Variants in PCDH15 observed in about 807,000 individuals in gnomAD.
PCDH15 encodes protocadherin related 15.
PCDH15 carries 129 observed loss-of-function variants against 178.5 expected under a neutral mutation model. That is an observed-to-expected ratio of 0.72 (90% confidence interval 0.63 to 0.84). The LOEUF (loss-of-function observed/expected upper bound fraction) is 0.84. Among genes scored for constraint, PCDH15 ranks in the 40% least tolerant of loss-of-function variants. PCDH15 has a pLI of 0.00. For synonymous variants in PCDH15, 800 were observed against 732.0 expected (o/e 1.09, Z -1.50); for missense variants, 2,230 against 2,099.9 (o/e 1.06, Z -1.21).
intron 2 of PCDH15, among the ~76,000 whole-genome samples, chr10:54,997,087 C>T (rs1055347518): frequency 7.4e-6 from 1 of 135,836 alleles, no homozygotes; most frequent in African/African-American, 2.8e-5. Context: ...CCAGCCTGAG[C>T]AACAAAGAGC....
At chr10:54,963,317 T>A (rs117861214) in intron 2 of PCDH15, among the ~76,000 whole-genome samples, 1,947 of 144,190 alleles carry the variant, frequency 0.014, 27 homozygotes, top group Non-Finnish European at 0.021. Context: ...GAATATCTGC[T>A]TAACTGACAT....
At chr10:54,950,152 A>G (rs1182973544) in intron 2 of PCDH15, among the ~76,000 whole-genome samples, 2 of 152,054 alleles carry the variant, frequency 1.3e-5, no homozygotes, top group African/African-American at 2.4e-5. Context: ...TGGGTAATTT[A>G]TAAAGAAAAG....
chr10:54,857,058 T>C (rs891044832), intron 3 of PCDH15, among the ~76,000 whole-genome samples: 2 of 152,188 alleles, frequency 1.3e-5, no homozygotes, highest in African/African-American at 4.8e-5. Flanking sequence ...TCAGAACTAA[T>C]CTGCAGGTCG....
intron 2 of PCDH15, among the ~76,000 whole-genome samples, chr10:55,445,204 T>C (rs78270405): frequency 0.033 from 5,059 of 152,242 alleles, 359 homozygotes; most frequent in East Asian, 0.29. Context: ...TTCTTCAGTG[T>C]TCACCTAATG....
rs367805416 is a variant in PCDH15 at position 53,880,538 on chromosome 10, T to A, written c.3502-13681A>T. Among the ~76,000 whole-genome samples, 5 of 152,270 alleles carry A rather than the reference T, an allele frequency of 3.3e-5. No homozygotes were observed. The East Asian group carries it at 7.7e-4, about 23-fold the overall frequency. On this transcript the variant is annotated intron_variant, in intron 26 of 37. Transcript: ENST00000644397. Reference sequence around the variant, plus strand: ...TGAATGTCGAATCCTCTGTAAATTCTGACAATTTTACTGCCTACCTAATAA... The same window carrying A: ...TGAATGTCGAATCCTCTGTAAATTCAGACAATTTTACTGCCTACCTAATAA...
In PCDH15 at chr10:55,615,615, A is replaced by G. The variant is rs375877358; in HGVS notation, c.-156+12010T>C. Among the ~76,000 whole-genome samples, 26 of 152,264 alleles carry G rather than the reference A, an allele frequency of 1.7e-4. No homozygotes were observed. In the East Asian group the frequency reaches 3.7e-3, roughly 21 times the overall value. On this transcript the variant is annotated intron_variant, in intron 2 of 5. Transcript: ENST00000613346. Reference sequence around the variant, plus strand: ...GGTGGCTTAATACCAGCACTATAATACCAGCCCTCTGATAGGCTGAGGCAA... The same window carrying G: ...GGTGGCTTAATACCAGCACTATAATGCCAGCCCTCTGATAGGCTGAGGCAA...
At chr10:54,594,239 C>T (rs2092068365) in intron 2 of PCDH15, among the ~76,000 whole-genome samples, 1 of 152,156 alleles carries the variant, frequency 6.6e-6, no homozygotes, top group Admixed American at 6.5e-5. Flanking sequence ...ACTCCAGCTG[C>T]AGCAGAGCCC....
intron 9 of PCDH15, among the ~76,000 whole-genome samples, chr10:54,236,578 T>C (rs935555370): frequency 1.4e-4 from 21 of 152,178 alleles, no homozygotes; most frequent in South Asian, 2.1e-4. Context: ...GTTAATTTCC[T>C]AATATTTTGA....
chr10:55,203,646 C>A (rs984721644), intron 1 of PCDH15, among the ~76,000 whole-genome samples: 1 of 151,920 alleles, frequency 6.6e-6, no homozygotes, highest in African/African-American at 2.4e-5. Context: ...TGGTAGTTGG[C>A]TAGTAGTAAT....
chr10:55,002,918 A>T (rs1413272967), intron 2 of PCDH15, among the ~76,000 whole-genome samples: 1 of 152,212 alleles, frequency 6.6e-6, no homozygotes, highest in Non-Finnish European at 1.5e-5. Flanking sequence ...TAGCAACTTT[A>T]AAAAAGTTAT....
rs534275671 is a variant in PCDH15, at chr10:54,573,883, TA to T, written c.92-46007del. On this transcript the variant is annotated intron_variant, in intron 2 of 37. Transcript: ENST00000644397. The stretch of plus-strand genomic sequence containing the variant: ...CTTACTTAGTAAATAATCCTTTATT[TA>T]AAAAAAATTTGTTTGAGTTCATTGT... Among the ~76,000 whole-genome samples the T allele has an allele frequency of 3.8e-3, 581 of 152,202 alleles. 2 individuals are homozygous for T. Among genetic ancestry groups the T allele is most frequent in the African/African-American group, 0.013 (543 of 41,546 alleles).
chr10:54,727,645 CA>C (rs891420755), intron 1 of PCDH15, among the ~76,000 whole-genome samples: 1 of 151,234 alleles, frequency 6.6e-6, no homozygotes, highest in Non-Finnish European at 1.5e-5. Context: ...TGAAGACCAA[CA>C]AAAATATGTT....
intron 1 of PCDH15, among the ~76,000 whole-genome samples, chr10:55,307,586 C>T (rs1348855212): frequency 2.0e-5 from 3 of 151,086 alleles, no homozygotes; most frequent in African/African-American, 7.3e-5. Context: ...TTTATCTTTT[C>T]TTTTCTGCTT....
In PCDH15 at chr10:54,083,318, C is replaced by T. The variant is rs1241097198; in HGVS notation, c.1998-3894G>A. 5.3e-5 allele frequency among the ~76,000 whole-genome samples: 8 copies of T among 152,106 alleles called. 1 individual carries two copies. In the South Asian group the frequency reaches 6.2e-4, roughly 12 times the overall value. Reference sequence around the variant, plus strand: ...AGCCAAACACAGGTACTTAAATACACGTACATATATGTTCACAGCAGCGGT... The same window carrying T: ...AGCCAAACACAGGTACTTAAATACATGTACATATATGTTCACAGCAGCGGT... On this transcript the variant is annotated intron_variant, in intron 16 of 37. Coordinates refer to ENST00000644397, the MANE Select transcript of PCDH15 (RefSeq NM_001384140.1).
At chr10:55,144,800 G>A (rs2799609) in intron 2 of PCDH15, among the ~76,000 whole-genome samples, 137,156 of 152,024 alleles carry the variant, frequency 0.9, 62,548 homozygotes, top group Non-Finnish European at 0.97. Context: ...TTATTTGCAC[G>A]ATGCATATTA....
At chr10:54,587,607 T>C (rs2091585380) in intron 2 of PCDH15, among the ~76,000 whole-genome samples, 1 of 151,632 alleles carries the variant, frequency 6.6e-6, no homozygotes, top group Admixed American at 6.6e-5. Context: ...AAGCATAAAG[T>C]GATGAAAGCT....
intron 1 of PCDH15, among the ~76,000 whole-genome samples, chr10:55,299,187 T>A (rs987495357): frequency 3.9e-5 from 6 of 152,188 alleles, no homozygotes; most frequent in Non-Finnish European, 8.8e-5. Flanking sequence ...AGATAGGCCC[T>A]CCTTCATGAT....
At chr10:54,523,534 T>C (rs1462054430) in intron 3 of PCDH15, among the ~76,000 whole-genome samples, 2 of 152,196 alleles carry the variant, frequency 1.3e-5, no homozygotes, top group Non-Finnish European at 2.9e-5. Context: ...GCAAGTACTT[T>C]CATGTTCTTT....
intron 1 of PCDH15, among the ~76,000 whole-genome samples, chr10:54,673,219 C>T (rs2094710251): frequency 6.6e-6 from 1 of 152,046 alleles, no homozygotes; most frequent in Non-Finnish European, 1.5e-5. Context: ...TATCCCTCCC[C>T]TAACCTCCCC....
Sources: allele counts gnomAD v4.1 joint callset (sites outside exome capture counted in the v4.1 genomes callset), GRCh38; gene constraint gnomAD v4.1.1; transcripts MANE v1.5; gene names NCBI Gene and HGNC (gene_info 2026-07-23, HGNC 2026-07-21).